MAD1L1: variants seen among roughly 807,000 people sequenced by gnomAD.
MAD1L1 encodes mitotic arrest deficient 1 like 1, also known as mitotic spindle assembly checkpoint protein MAD1.
A neutral mutation model predicts 96.9 loss-of-function variants in MAD1L1; 95 were observed. That is an observed-to-expected ratio of 0.98 (90% CI 0.83 to 1.16). MAD1L1 has a LOEUF of 1.16. MAD1L1 is among the 50% of genes most tolerant of loss of function. The pLI, the probability that MAD1L1 is intolerant of heterozygous loss-of-function variation, is 0.00. For synonymous variants in MAD1L1, 473 were observed against 396.6 expected (o/e 1.19, Z -2.29); for missense variants, 1,007 against 954.4 (o/e 1.06, Z -0.73).
chr7:2,079,937 G>A (rs58006331), intron 11 of MAD1L1: 82 of 364,532 alleles, frequency 2.2e-4, no homozygotes, highest in African/African-American at 1.3e-3. Flanking sequence ...CTGGAGTGAC[G>A]CAGAGAGGCA....
chr7:1,941,352 C>A (rs946604810), intron 16 of MAD1L1, among the ~76,000 whole-genome samples: 3 of 152,206 alleles, frequency 2.0e-5, no homozygotes, highest in African/African-American at 7.2e-5. Flanking sequence ...GGTTTCCCCC[C>A]TGATGGGGGG....
rs1032999990 is a variant in MAD1L1, at chr7:2,229,687, G to A, written c.150+297C>T. Among the ~76,000 whole-genome samples, 6 of 152,206 alleles carry A rather than the reference G, an allele frequency of 3.9e-5. No homozygotes were observed. Among genetic ancestry groups the A allele is most frequent in the African/African-American group, 1.4e-4 (6 of 41,454 alleles). On this transcript the variant is annotated intron_variant, in intron 3 of 18. Coordinates refer to ENST00000265854, the MANE Select transcript of MAD1L1 (RefSeq NM_001013836.2). ...TGTCCTCAATTAGATGAATGAACTG[G>A]CTTTCCGATCCTGTCACCAGGGTCT...
At chr7:1,950,682 G>A (rs539920814) in intron 16 of MAD1L1, among the ~76,000 whole-genome samples, 79 of 152,298 alleles carry the variant, frequency 5.2e-4, no homozygotes, top group African/African-American at 1.8e-3. Context: ...CAGGCCCTTC[G>A]CCACCCTCTG....
intron 10 of MAD1L1, among the ~76,000 whole-genome samples, chr7:2,196,468 A>C (rs55653949): frequency 2.6e-5 from 4 of 152,208 alleles, no homozygotes; most frequent in Non-Finnish European, 5.9e-5. Flanking sequence ...GCATCTTCCA[A>C]AAGATTGCAT....
intron 15 of MAD1L1, among the ~76,000 whole-genome samples, chr7:1,964,045 G>A (rs964889586): frequency 6.6e-6 from 1 of 152,228 alleles, no homozygotes; most frequent in African/African-American, 2.4e-5. Context: ...GTAAAGGGGA[G>A]ACTGAGGCTC....
At chr7:1,988,847 C>T (rs572902475) in intron 14 of MAD1L1, among the ~76,000 whole-genome samples, 2 of 152,332 alleles carry the variant, frequency 1.3e-5, no homozygotes, top group Admixed American at 6.5e-5. Flanking sequence ...ACCCTGTGCC[C>T]GCACCAGGCT....
intron 16 of MAD1L1, among the ~76,000 whole-genome samples, chr7:1,945,637 T>A (rs12699493): frequency 1.3e-5 from 2 of 152,028 alleles, no homozygotes; most frequent in South Asian, 4.1e-4. Context: ...CGCCATGGGG[T>A]GCCGGGCCCG....
At chr7:1,893,487 C>A (rs1786676634) in intron 18 of MAD1L1, among the ~76,000 whole-genome samples, 1 of 152,062 alleles carries the variant, frequency 6.6e-6, no homozygotes, top group Non-Finnish European at 1.5e-5. Context: ...TGGGGTTTGG[C>A]GAGATCTTTC....
chr7:2,136,527 A>G (rs571665819), intron 11 of MAD1L1, among the ~76,000 whole-genome samples: 27 of 152,326 alleles, frequency 1.8e-4, no homozygotes, highest in African/African-American at 5.5e-4. Flanking sequence ...TCCCAGGTCT[A>G]TGGCACCAAC....
chr7:1,903,168 C>A (rs1278522469), intron 17 of MAD1L1, among the ~76,000 whole-genome samples: 1 of 150,108 alleles, frequency 6.7e-6, no homozygotes, highest in Admixed American at 6.6e-5. Flanking sequence ...CTGTTCCAGG[C>A]AGCAAGCACA....
At chr7:2,068,333 A>G (rs1385782987) in intron 12 of MAD1L1, among the ~76,000 whole-genome samples, 1 of 152,234 alleles carries the variant, frequency 6.6e-6, no homozygotes, top group Admixed American at 6.5e-5. Context: ...GTAAAACAGC[A>G]TCTTTGGAAC....
intron 10 of MAD1L1, among the ~76,000 whole-genome samples, chr7:2,160,642 TTC>T (rs2128587892): frequency 6.6e-6 from 1 of 151,990 alleles, no homozygotes; most frequent in South Asian, 2.1e-4. Flanking sequence ...CTATTTTTTT[TTC>T]TTTTTTGAGA....
intron 15 of MAD1L1, among the ~76,000 whole-genome samples, chr7:1,962,635 G>C: frequency 6.6e-6 from 1 of 151,904 alleles, no homozygotes; most frequent in Non-Finnish European, 1.5e-5. Context: ...TTTTAAAATG[G>C]ACAAAAAAAC....
chr7:1,983,191 C>T (rs936165087), intron 14 of MAD1L1, among the ~76,000 whole-genome samples: 1 of 151,038 alleles, frequency 6.6e-6, no homozygotes, highest in Non-Finnish European at 1.5e-5. Context: ...CACACACAGG[C>T]TTGTAAGGCC....
intron 17 of MAD1L1, among the ~76,000 whole-genome samples, chr7:1,934,439 G>A (rs1251410726): frequency 6.6e-6 from 1 of 151,854 alleles, no homozygotes; most frequent in Non-Finnish European, 1.5e-5. Context: ...GAGAACCCAA[G>A]ATGCGCAGAG....
intron 18 of MAD1L1, among the ~76,000 whole-genome samples, chr7:1,889,779 T>C (rs949933835): frequency 6.6e-6 from 1 of 152,198 alleles, no homozygotes; most frequent in Non-Finnish European, 1.5e-5. Context: ...GGCTTGGCCC[T>C]TCCTCACCTT....
intron 17 of MAD1L1, among the ~76,000 whole-genome samples, chr7:1,927,159 C>T (rs1030706033): frequency 3.3e-5 from 5 of 152,070 alleles, no homozygotes; most frequent in African/African-American, 9.7e-5. Context: ...ACCAACAAAA[C>T]CATGTGTATT....
intron 18 of MAD1L1, among the ~76,000 whole-genome samples, chr7:1,895,903 G>A (rs1786836623): frequency 6.6e-6 from 1 of 152,272 alleles, no homozygotes; most frequent in Non-Finnish European, 1.5e-5. Flanking sequence ...GCAAGGGCTG[G>A]AGGATGGGCA....
chr7:2,188,086 G>A (rs145317900), intron 10 of MAD1L1, among the ~76,000 whole-genome samples: 118 of 152,242 alleles, frequency 7.8e-4, no homozygotes, highest in African/African-American at 2.6e-3. Context: ...TCAGTGCGTC[G>A]ATATTTTCAA....
Sources: gnomAD v4.1 joint callset for allele counts (sites outside exome capture counted in the v4.1 genomes callset) on GRCh38, gnomAD v4.1.1 for gene constraint, MANE v1.5 for transcripts, NCBI Gene and HGNC (gene_info 2026-07-23, HGNC 2026-07-21) for gene names.